ZZEF1: variants seen among roughly 807,000 people sequenced by gnomAD.
ZZEF1 encodes the protein zinc finger ZZ-type and EF-hand domain-containing protein 1.
Under a neutral mutation model 342.8 loss-of-function variants are expected in ZZEF1, and 157 were observed. The observed-to-expected ratio is 0.46, with a 90% confidence interval of 0.40 to 0.52. The LOEUF (loss-of-function observed/expected upper bound fraction) is 0.52. Ranked by LOEUF, ZZEF1 falls within the 20% of genes least tolerant of loss-of-function variation. The probability of loss-of-function intolerance (pLI) is 0.00; values close to 1 mark genes in which losing one functional copy is unlikely to be tolerated. For synonymous variants in ZZEF1, 1,505 were observed against 1,429.1 expected (o/e 1.05, Z -1.20); for missense variants, 3,480 against 3,725.6 (o/e 0.93, Z 1.72).
In ZZEF1 at chr17:4,142,643, C is replaced by T. The variant is rs2058882478; in HGVS notation, c.253G>A (p.Glu85Lys). ...RHRGALFRWL[E>K]ERLGRGEESV... ...TCTTCGCCGCGGCCCAGCCGCTCTTCCAGCCAGCGAAACAACGCGCCGCGA... is the reference window on the plus strand; with the variant it reads ...TCTTCGCCGCGGCCCAGCCGCTCTTTCAGCCAGCGAAACAACGCGCCGCGA... Residue 85 changes from glutamate to lysine, a missense_variant, in exon 1 of 55, where the codon GAA becomes AAA. Transcript: ENST00000381638. 1.9e-6 allele frequency: 3 copies of T among 1,607,140 alleles called. No individual in the cohort carries two copies. The highest frequency in any genetic ancestry group is 2.5e-6 in the Non-Finnish European group (3 of 1,179,710).
intron 30 of ZZEF1, among the ~76,000 whole-genome samples, chr17:4,060,384 G>C (rs776409817): frequency 2.0e-5 from 3 of 152,084 alleles, no homozygotes; most frequent in Admixed American, 6.6e-5. Flanking sequence ...GGCCAACATG[G>C]GGAAACCCAG....
intron 39 of ZZEF1, among the ~76,000 whole-genome samples, chr17:4,035,006 AAAC>A (rs768899714): frequency 1.3e-5 from 2 of 152,212 alleles, no homozygotes; most frequent in Non-Finnish European, 2.9e-5. Flanking sequence ...CTCAAAAAAC[AAAC>A]AACATGTCTG....
chr17:4,060,344 C>T (rs571673933), intron 30 of ZZEF1, among the ~76,000 whole-genome samples: 52 of 152,262 alleles, frequency 3.4e-4, no homozygotes, highest in Non-Finnish European at 6.6e-4. Context: ...CCGGGCGGAT[C>T]AATTGAGGTC....
intron 52 of ZZEF1, among the ~76,000 whole-genome samples, chr17:4,012,779 T>C (rs1287488950): frequency 6.6e-6 from 1 of 152,048 alleles, no homozygotes; most frequent in East Asian, 1.9e-4. Context: ...CAAAGTAAGG[T>C]CACTGGATAT....
chr17:4,062,454 G>A (rs192286862), intron 30 of ZZEF1, among the ~76,000 whole-genome samples: 246 of 151,816 alleles, frequency 1.6e-3, no homozygotes, highest in Non-Finnish European at 2.6e-3. Context: ...TTTTCTGTAA[G>A]CCTTATATTT....
Position 4,064,483 on chromosome 17 carries a change from T to C in ZZEF1, c.4596A>G (p.Arg1532=). ...PTRRPPFTRG[R]LRLLSFRSME... is the part of the protein sequence containing the mutation. ...TGGATCGAAAGGAGAGCAGCCGGAGTCGCCCTCGGGTGAAGGGAGGCCGGC... is the reference window on the plus strand; with the variant it reads ...TGGATCGAAAGGAGAGCAGCCGGAGCCGCCCTCGGGTGAAGGGAGGCCGGC... The change falls in exon 29 of 55, where the codon CGA becomes CGG. Residue 1532 remains arginine (R), a synonymous_variant. Transcript: ENST00000381638. 1 of 1,613,876 alleles carries C rather than the reference T, an allele frequency of 6.2e-7. No homozygotes were observed. The highest frequency in any genetic ancestry group is 8.5e-7 in the Non-Finnish European group (1 of 1,179,976).
intron 39 of ZZEF1, among the ~76,000 whole-genome samples, chr17:4,041,484 G>A (rs998929802): frequency 2.0e-5 from 3 of 151,972 alleles, no homozygotes; most frequent in Non-Finnish European, 4.4e-5. Flanking sequence ...CGCGGGCACC[G>A]TCCCTTCCCC....
chr17:4,091,597 C>T (rs1195652452), intron 11 of ZZEF1, among the ~76,000 whole-genome samples: 1 of 151,706 alleles, frequency 6.6e-6, no homozygotes, highest in African/African-American at 2.4e-5. Flanking sequence ...GTAAACATGG[C>T]GAACCCTGTC....
chr17:4,008,759 C>T lies in ZZEF1; in HGVS notation c.8805+124G>A. Reference sequence around the variant, plus strand: ...GGAAGTGACTGAACTGGAACAAGCTCTGTGTAAGCTCCGGGTGGATTCTGT... The same window carrying T: ...GGAAGTGACTGAACTGGAACAAGCTTTGTGTAAGCTCCGGGTGGATTCTGT... On this transcript the variant is annotated intron_variant, in intron 54 of 54. Coordinates refer to ENST00000381638, the MANE Select transcript of ZZEF1 (RefSeq NM_015113.4). The surrounding 1 kb of genome is among the most constrained non-coding windows in gnomAD (Gnocchi z 4.2). 1 of 1,449,388 alleles carries T rather than the reference C, an allele frequency of 6.9e-7. No individual in the cohort carries two copies. The highest frequency in any genetic ancestry group is 9.1e-7 in the Non-Finnish European group (1 of 1,098,756). The allele number at this position is 1,449,388 out of a possible 1,614,324, so 89.8% of individuals were successfully genotyped here.
At position 4,077,992 on chromosome 17, in the gene ZZEF1, G is replaced by A. The variant is rs775139703; in HGVS notation, c.2880C>T (p.Leu960=). ...CTTGGACGGACCAGAACAGGGAGAA[G>A]AGCACAGAGCCCACCTCCCCTGGGG... The part of the protein sequence containing the change: ...SGAPGEVGSV[L]FSLFWSVQGS... Residue 960 remains leucine (L), a synonymous_variant, in exon 19 of 55, where the codon CTC becomes CTT. Coordinates refer to ENST00000381638, the MANE Select transcript of ZZEF1 (RefSeq NM_015113.4). 22 of 1,614,026 alleles carry A rather than the reference G, an allele frequency of 1.4e-5. No homozygotes were observed. The highest frequency in any genetic ancestry group is 1.7e-5 in the Non-Finnish European group (20 of 1,180,038).
chr17:4,134,639 T>C (rs1057491324), intron 1 of ZZEF1, among the ~76,000 whole-genome samples: 3 of 152,032 alleles, frequency 2.0e-5, no homozygotes, highest in Admixed American at 1.3e-4. Flanking sequence ...ACTCTAAAGG[T>C]AGGTACTACC....
chr17:4,008,922 G>C lies in ZZEF1; in HGVS notation c.8766C>G (p.Ala2922=). 1 of 1,544,812 alleles carries C rather than the reference G, an allele frequency of 6.5e-7. No individual in the cohort carries two copies. The highest frequency in any genetic ancestry group is 8.7e-7 in the Non-Finnish European group (1 of 1,148,060). Residue 2922 remains alanine (A), a synonymous_variant, in exon 54 of 55, where the codon GCC becomes GCG. Coordinates refer to ENST00000381638, the MANE Select transcript of ZZEF1 (RefSeq NM_015113.4). This position sits in a 1 kb window ranked among gnomAD's most constrained non-coding sequence, Gnocchi z 4.2. ...ELGVLQDYLL[A]LTTDDHLLRC... ...GGAGAAGGTGGTCGTCCGTGGTTAG[G>C]GCCAGCAGGTAATCCTGCAGCACGC...
chr17:4,051,815 T>G (rs1354441739), intron 35 of ZZEF1, among the ~76,000 whole-genome samples, 156 bp downstream of exon 35: 1 of 151,300 alleles, frequency 6.6e-6, no homozygotes, highest in Admixed American at 6.6e-5. Flanking sequence ...ACCTGGGTAA[T>G]GGGTACATGA....
intron 5 of ZZEF1, among the ~76,000 whole-genome samples, chr17:4,111,179 T>C (rs1597907025): frequency 6.6e-6 from 1 of 152,158 alleles, no homozygotes; most frequent in South Asian, 2.1e-4. Context: ...AAAAGGTGTG[T>C]AGATATGTGT....
chr17:4,044,227 G>A lies in ZZEF1; in HGVS notation c.6163C>T (p.Pro2055Ser), dbSNP rs144040894. 141 of 1,613,402 alleles carry A rather than the reference G, an allele frequency of 8.7e-5. No individual in the cohort carries two copies. In the Middle Eastern group the frequency reaches 1.6e-3, roughly 19 times the overall value. The change falls in exon 38 of 55, where the codon CCA becomes TCA. Residue 2055 changes from proline (P) to serine (S), a missense_variant. Coordinates refer to ENST00000381638, the MANE Select transcript of ZZEF1 (RefSeq NM_015113.4). ...PADASPPTGL[P>S]DAEDSEVSSQ... ...ATAATGGTCAAATAGTCTTTACCTG[G>A]AAGTCCTGTAGGTGGGCTAGCATCT... is the stretch of plus-strand genomic sequence containing the variant.
chr17:4,038,230 A>C lies in ZZEF1; in HGVS notation c.6307-3938T>G, dbSNP rs149388506. Among the ~76,000 whole-genome samples, 5 of 152,324 alleles carry C rather than the reference A, an allele frequency of 3.3e-5. No individual in the cohort carries two copies. The East Asian group carries it at 9.7e-4, about 29-fold the overall frequency. ...GTGTGAACCGGTACAAACATTGCAG[A>C]AACTGTTTGGCAGGGAGTGTGAACT... On this transcript the variant is annotated intron_variant, in intron 39 of 54. Coordinates refer to ENST00000381638, the MANE Select transcript of ZZEF1 (RefSeq NM_015113.4).
chr17:4,125,394 C>G (rs1190522487), intron 1 of ZZEF1, among the ~76,000 whole-genome samples: 3 of 152,164 alleles, frequency 2.0e-5, no homozygotes, highest in African/African-American at 7.2e-5. Context: ...ATAAATACCC[C>G]TATTTCCATC....
chr17:4,101,399 C>A (rs1367155174), intron 9 of ZZEF1, among the ~76,000 whole-genome samples: 1 of 151,672 alleles, frequency 6.6e-6, no homozygotes, highest in Non-Finnish European at 1.5e-5. Flanking sequence ...AGTGAATCAG[C>A]AAGATTCAAA....
At chr17:4,134,852 T>C (rs1314888291) in intron 1 of ZZEF1, among the ~76,000 whole-genome samples, 1 of 151,994 alleles carries the variant, frequency 6.6e-6, no homozygotes, top group Non-Finnish European at 1.5e-5. Context: ...ACCCTTAAAC[T>C]GTGCTTTAAT....
Sources: gnomAD v4.1 joint callset for allele counts (sites outside exome capture counted in the v4.1 genomes callset) on GRCh38, gnomAD v4.1.1 for gene constraint, Gnocchi (gnomAD v3.1) non-coding constraint, MANE v1.5 for transcripts, NCBI Gene and HGNC (gene_info 2026-07-23, HGNC 2026-07-21) for gene names.